The following GCNT2 variants were observed in gnomAD, a reference collection of about 807,000 sequenced individuals.
The protein encoded by GCNT2 is glucosaminyl (N-acetyl) transferase 2 (I blood group), also known as N-acetyllactosaminide beta-1,6-N-acetylglucosaminyl-transferase.
In GCNT2, 34 loss-of-function variants were observed where a neutral mutation model predicts 34.2. That is an observed-to-expected ratio of 1.00 (90% CI 0.76 to 1.32). The LOEUF (loss-of-function observed/expected upper bound fraction) is 1.32. Ranked by LOEUF, GCNT2 falls within the 40% of genes most tolerant of loss-of-function variation. The pLI, the probability that GCNT2 is intolerant of heterozygous loss-of-function variation, is 0.00. For synonymous variants in GCNT2, 212 were observed against 188.0 expected (o/e 1.13, Z -1.04); for missense variants, 584 against 489.4 (o/e 1.19, Z -1.82).
chr6:10,554,002 A>G (rs1174832650), intron 3 of GCNT2, among the ~76,000 whole-genome samples: 2 of 152,242 alleles, frequency 1.3e-5, no homozygotes, highest in Admixed American at 6.5e-5. Flanking sequence ...TAACATGTCT[A>G]GCCTGATTAA....
chr6:10,537,950 A>G (rs6910861), intron 3 of GCNT2, among the ~76,000 whole-genome samples: 64,135 of 151,604 alleles, frequency 0.42, 14,356 homozygotes, highest in South Asian at 0.64. Flanking sequence ...GTTTACCCTC[A>G]TGATCTCATA....
intron 3 of GCNT2, among the ~76,000 whole-genome samples, chr6:10,583,438 G>A (rs1169534661): frequency 2.0e-5 from 3 of 152,154 alleles, no homozygotes; most frequent in Non-Finnish European, 4.4e-5. Flanking sequence ...CATGCCTCGT[G>A]TGGCTGCCAC....
chr6:10,614,348 C>T (rs531270062), intron 3 of GCNT2, among the ~76,000 whole-genome samples: 62 of 152,164 alleles, frequency 4.1e-4, no homozygotes, highest in African/African-American at 1.4e-3. Context: ...TAGAAGAGGC[C>T]GGGCACAGTG....
chr6:10,531,101 A>G (rs1302794565), intron 3 of GCNT2, among the ~76,000 whole-genome samples: 1 of 152,104 alleles, frequency 6.6e-6, no homozygotes, highest in African/African-American at 2.4e-5. Flanking sequence ...AAGAAACTTC[A>G]ATGTGATTAC....
chr6:10,557,992 C>T (rs1197219703), intron 3 of GCNT2: 1 of 152,496 alleles, frequency 6.6e-6, no homozygotes, highest in Non-Finnish European at 1.5e-5. Context: ...GGATCTTTGC[C>T]TTGGCCACCC....
rs1449182650 is a variant in GCNT2 at position 10,582,456 on chromosome 6, AT to A, written c.926-38894del. Among the ~76,000 whole-genome samples the A allele has an allele frequency of 2.3e-3, 293 of 126,992 alleles. 8 individuals carry two copies. The highest frequency in any genetic ancestry group is 8.3e-3 in the African/African-American group (267 of 32,350). 83.3% of individuals were successfully genotyped at this position (126,992 alleles called of 152,430 possible). ...ATTTAATATTTATTATATAATATAT[AT>A]AATAAATATAATATATACTATAATA... On this transcript the variant is annotated intron_variant, in intron 3 of 4. Coordinates refer to ENST00000495262, the MANE Select transcript of GCNT2 (RefSeq NM_145649.5).
intron 3 of GCNT2, among the ~76,000 whole-genome samples, chr6:10,569,747 A>G (rs1471601632): frequency 1.3e-5 from 2 of 151,754 alleles, no homozygotes; most frequent in Non-Finnish European, 2.9e-5. Flanking sequence ...CTAACTAACC[A>G]TTTCTCAGTG....
intron 3 of GCNT2, among the ~76,000 whole-genome samples, chr6:10,546,014 A>G (rs1198192402): frequency 6.6e-6 from 1 of 152,074 alleles, no homozygotes; most frequent in Non-Finnish European, 1.5e-5. Flanking sequence ...TATTTTCCCG[A>G]TGTGTGTTTT....
At chr6:10,619,002 CA>C (rs1361953109) in intron 3 of GCNT2, among the ~76,000 whole-genome samples, 4 of 152,158 alleles carry the variant, frequency 2.6e-5, no homozygotes, top group African/African-American at 9.7e-5. Context: ...ATCAGATCAT[CA>C]TATAATCATC....
At position 10,557,045 on chromosome 6, in the gene GCNT2, T is replaced by C. The variant is rs1762748102; in HGVS notation, c.925+27209T>C. 2.5e-6 allele frequency: 4 copies of C among 1,612,134 alleles called. No homozygotes were observed. The East Asian group carries it at 8.9e-5, about 36-fold the overall frequency. On this transcript the variant is annotated intron_variant, in intron 3 of 4. Transcript: ENST00000495262. ...GGAAATAGTTCAGTATCTGAAAGGATTTAAAGGTAAAAATATCACCCCAGG... is the reference window on the plus strand; with the variant it reads ...GGAAATAGTTCAGTATCTGAAAGGACTTAAAGGTAAAAATATCACCCCAGG...
intron 3 of GCNT2, among the ~76,000 whole-genome samples, chr6:10,592,447 C>A (rs1277080308): frequency 6.6e-6 from 1 of 152,126 alleles, no homozygotes. Flanking sequence ...TACAATGTAT[C>A]CCAGCTCTTG....
intron 3 of GCNT2, among the ~76,000 whole-genome samples, chr6:10,612,780 G>A (rs1765615396): frequency 6.6e-6 from 1 of 152,178 alleles, no homozygotes; most frequent in Non-Finnish European, 1.5e-5. Context: ...TTGTCTCTCC[G>A]ACTTCAAAGC....
At chr6:10,589,502 T>G (rs892774975) in intron 3 of GCNT2, among the ~76,000 whole-genome samples, 2 of 152,020 alleles carry the variant, frequency 1.3e-5, no homozygotes, top group African/African-American at 4.8e-5. Context: ...CCAGGTGTCC[T>G]TTCTGGAAAG....
chr6:10,534,684 T>A (rs1168702150), intron 3 of GCNT2, among the ~76,000 whole-genome samples: 1 of 151,714 alleles, frequency 6.6e-6, no homozygotes, highest in Non-Finnish European at 1.5e-5. Context: ...GTAACACAGA[T>A]ACCTTGTCTC....
At chr6:10,524,689 C>A (rs1278966627) in intron 1 of GCNT2, among the ~76,000 whole-genome samples, 1 of 151,948 alleles carries the variant, frequency 6.6e-6, no homozygotes, top group East Asian at 1.9e-4. Flanking sequence ...ATTAGCCAGG[C>A]ATGGTGGTGC....
chr6:10,582,343 TA>T lies in GCNT2; in HGVS notation c.926-39007del, dbSNP rs1561816462. ...ATTAAATATAATATATACTATATAA[TA>T]TATAGTAATATTAAATATAATATAT... is the stretch of plus-strand genomic sequence containing the variant. On this transcript the variant is annotated intron_variant, in intron 3 of 4. Transcript: ENST00000495262. Among the ~76,000 whole-genome samples the T allele has an allele frequency of 3.3e-3, 388 of 117,596 alleles. 4 individuals are homozygous for T. Among genetic ancestry groups the T allele is most frequent in the African/African-American group, 0.013 (363 of 28,528 alleles). 77.1% of individuals were successfully genotyped at this position (117,596 alleles called of 152,430 possible).
At chr6:10,569,035 G>A (rs538723525) in intron 3 of GCNT2, among the ~76,000 whole-genome samples, 38 of 151,972 alleles carry the variant, frequency 2.5e-4, no homozygotes, top group Middle Eastern at 3.4e-3. Context: ...TCGTATTACC[G>A]CGACTAGACT....
intron 3 of GCNT2, among the ~76,000 whole-genome samples, chr6:10,578,167 G>C (rs9460888): frequency 0.022 from 3,296 of 151,998 alleles, 106 homozygotes; most frequent in African/African-American, 0.073. Flanking sequence ...AAGGTAGGTG[G>C]ATCACTTGAG....
chr6:10,600,354 T>A (rs1765040419), intron 3 of GCNT2, among the ~76,000 whole-genome samples: 1 of 152,166 alleles, frequency 6.6e-6, no homozygotes, highest in Non-Finnish European at 1.5e-5. Context: ...ATAAAGGAGA[T>A]CCGTTCTGTT....
Sources: gnomAD v4.1 joint callset for allele counts (sites outside exome capture counted in the v4.1 genomes callset) on GRCh38, gnomAD v4.1.1 for gene constraint, MANE v1.5 for transcripts, NCBI Gene and HGNC (gene_info 2026-07-23, HGNC 2026-07-21) for gene names.